The following EP300 variants were observed in gnomAD, a reference collection of about 807,000 sequenced individuals.
EP300 encodes the protein EP300 lysine acetyltransferase.
EP300 carries 31 observed loss-of-function variants against 264.0 expected under a neutral mutation model. That is an observed-to-expected ratio of 0.12 (90% CI 0.09 to 0.16). EP300 has a LOEUF of 0.16. EP300 is among the 10% of genes least tolerant of loss of function. The pLI is 1.00. For missense variants in EP300, 2,766 were observed against 3,052.9 expected (o/e 0.91, Z 2.21); for synonymous variants, 1,340 against 1,045.4 (o/e 1.28, Z -5.44).
Position 41,112,539 on chromosome 22 carries a change from C to T in EP300, c.95-4648C>T, listed in dbSNP as rs187459955. 2.8e-3 allele frequency among the ~76,000 whole-genome samples: 432 copies of T among 152,170 alleles called. 1 individual carries two copies. Among genetic ancestry groups the T allele is most frequent in the Non-Finnish European group, 4.8e-3 (328 of 68,006 alleles). The stretch of plus-strand genomic sequence containing the variant: ...TTTTCTTTATCCTTTGTTACTATGG[C>T]GAATGACAGTTTATAGATGTTCTGG... On this transcript the variant is annotated intron_variant, in intron 1 of 30. Transcript: ENST00000263253.
chr22:41,138,479 T>C (rs2058964531), intron 8 of EP300, among the ~76,000 whole-genome samples: 1 of 152,194 alleles, frequency 6.6e-6, no homozygotes, highest in Non-Finnish European at 1.5e-5. Context: ...GAGCTTTTAT[T>C]ATGTAAAAAT....
At chr22:41,176,219 CAA>C in intron 29 of EP300, 26 bp from the exon 30 acceptor site, 2 of 1,611,980 alleles carry the variant, frequency 1.2e-6, no homozygotes, top group Non-Finnish European at 1.7e-6. Flanking sequence ...GGCCCTGTCT[CAA>C]AAAAAAGAGA....
chr22:41,129,771 G>T, intron 4 of EP300, 119 bp from the exon 5 acceptor site: 1 of 767,248 alleles, frequency 1.3e-6, no homozygotes. Context: ...TTATAGGGCT[G>T]TTAGGAAGAT....
chr22:41,176,694 T>C, intron 30 of EP300, 79 bp from the exon 31 acceptor site: 2 of 1,612,960 alleles, frequency 1.2e-6, no homozygotes, highest in Middle Eastern at 1.7e-4. Flanking sequence ...GGGGCTTTTC[T>C]AGCCCAAACA....
chr22:41,128,363 G>A lies in EP300; in HGVS notation c.1168+615G>A, dbSNP rs556815902. Among the ~76,000 whole-genome samples, 5 of 151,948 alleles carry A rather than the reference G, an allele frequency of 3.3e-5. No homozygotes were observed. The South Asian group carries it at 1.0e-3, about 32-fold the overall frequency. ...TAGTCCCAGCTACTTGGGAGATTGA[G>A]GTGGGAGGATGGCTTGAGCCCAAGA... On this transcript the variant is annotated intron_variant, in intron 4 of 30. Coordinates refer to ENST00000263253, the MANE Select transcript of EP300 (RefSeq NM_001429.4).
chr22:41,149,169 G>T lies in EP300; in HGVS notation c.2373G>T (p.Val791=). The T allele has an allele frequency of 1.2e-6, 2 of 1,614,028 alleles. No homozygotes were observed. Among genetic ancestry groups the T allele is most frequent in the Non-Finnish European group, 1.7e-6 (2 of 1,180,016 alleles). Reference sequence around the variant, plus strand: ...CTCCGTCCAGCGGTCAAGCTCCAGTGTCTCAAGTATGTCTCATAAGTGGAT... The same window carrying T: ...CTCCGTCCAGCGGTCAAGCTCCAGTTTCTCAAGTATGTCTCATAAGTGGAT... The part of the protein sequence containing the change: ...PLAPSSGQAP[V]SQAQMSSSSC... The change falls in exon 13 of 31, where the codon GTG becomes GTT. Residue 791 remains valine (V), a synonymous_variant. Transcript: ENST00000263253.
chr22:41,177,436 A>G lies in EP300; in HGVS notation c.5725A>G (p.Thr1909Ala), dbSNP rs201791719. ...GGCAGCAGGCCAGGTGACCCCTCCA[A>G]CCCCTCCTCAGACTGCTCAGCCACC... ...GKAAGQVTPP[T>A]PPQTAQPPLP... The change falls in exon 31 of 31, where the codon ACC becomes GCC. Residue 1909 changes from threonine (T) to alanine (A), a missense_variant. Coordinates refer to ENST00000263253, the MANE Select transcript of EP300 (RefSeq NM_001429.4). 2.5e-5 allele frequency: 40 copies of G among 1,613,264 alleles called. No individual in the cohort carries two copies. The highest frequency in any genetic ancestry group is 3.3e-5 in the Non-Finnish European group (39 of 1,179,864).
chr22:41,146,794 G>GCCTCGAATAACTCCA lies in EP300; in HGVS notation c.2111_2125dup (p.Pro704_Pro708dup). On this transcript the variant is annotated inframe_insertion, in exon 11 of 31. Coordinates refer to ENST00000263253, the MANE Select transcript of EP300 (RefSeq NM_001429.4). ...GTGGCAGTGTGCCAAACCAGATGAT[G>GCCTCGAATAACTCCA]CCTCGAATAACTCCACAATCTGGTA... 3.7e-6 allele frequency: 6 copies of GCCTCGAATAACTCCA among 1,614,066 alleles called. No homozygotes were observed. The highest frequency in any genetic ancestry group is 5.1e-6 in the Non-Finnish European group (6 of 1,180,002).
intron 1 of EP300, among the ~76,000 whole-genome samples, chr22:41,101,136 G>T (rs1161800332): frequency 6.6e-6 from 1 of 152,130 alleles, no homozygotes; most frequent in Admixed American, 6.6e-5. Flanking sequence ...GTGCAGTGGT[G>T]CAATCCTGGC....
intron 28 of EP300, 56 bp downstream of exon 28, chr22:41,172,719 G>C (rs2059177857): frequency 1.3e-6 from 2 of 1,559,058 alleles, no homozygotes; most frequent in Non-Finnish European, 1.7e-6. Context: ...ATTTAATCCA[G>C]AAGTGCACTT....
chr22:41,122,620 C>CT (rs956468744), intron 2 of EP300, among the ~76,000 whole-genome samples: 90 of 146,900 alleles, frequency 6.1e-4, no homozygotes, highest in South Asian at 1.7e-3. Flanking sequence ...TGTTCTTTAA[C>CT]TTTTTTTTTT....
chr22:41,144,314 T>G (rs1405360797), intron 10 of EP300, among the ~76,000 whole-genome samples: 1 of 152,168 alleles, frequency 6.6e-6, no homozygotes, highest in Non-Finnish European at 1.5e-5. Flanking sequence ...ATGTGAAAGA[T>G]GGACATTTTT....
Position 41,179,549 on chromosome 22 carries a change from C to A in EP300, c.*593C>A, listed in dbSNP as rs1266478991. The A allele has an allele frequency of 8.5e-5, 14 of 165,394 alleles. No homozygotes were observed. Among genetic ancestry groups the A allele is most frequent in the Middle Eastern group, 2.2e-3 (1 of 460 alleles). The allele number at this position is 165,394 out of a possible 1,614,324, so 10.2% of individuals were successfully genotyped here. A position where few individuals can be genotyped will look rare whatever the true frequency, so the allele number is the denominator to read the frequency against. The stretch of plus-strand genomic sequence containing the variant: ...AAAAATGTTTAAAAAAAAAAAAAAA[C>A]TGCCTTTCTTCCCCTCAAGTCAACT... On this transcript the variant is annotated 3_prime_UTR_variant, in exon 31 of 31. Coordinates refer to ENST00000263253, the MANE Select transcript of EP300 (RefSeq NM_001429.4).
At chr22:41,131,670 G>T in intron 6 of EP300, 37 bp downstream of exon 6, 1 of 1,613,772 alleles carries the variant, frequency 6.2e-7, no homozygotes, top group Non-Finnish European at 8.5e-7. Context: ...GGTATTGGTT[G>T]TGTCAGTAAA....
intron 29 of EP300, chr22:41,176,011 G>A (rs6002274): frequency 1.9e-4 from 102 of 549,078 alleles, no homozygotes; most frequent in African/African-American, 1.3e-3. Flanking sequence ...CTTGAGCTTA[G>A]GAGTTTGAGA....
At position 41,171,160 on chromosome 22, in the gene EP300, G is replaced by A. The variant is rs55932135; in HGVS notation, c.4452+589G>A. The stretch of plus-strand genomic sequence containing the variant: ...AATTTTATTTTATTTATTTTTGGGG[G>A]GAGGGTGGGGATAGAGTTGGGGTAT... On this transcript the variant is annotated intron_variant, in intron 27 of 30. Transcript: ENST00000263253. Among the ~76,000 whole-genome samples the A allele has an allele frequency of 5.5e-3, 831 of 151,560 alleles. 7 individuals carry two copies. Among genetic ancestry groups the A allele is most frequent in the Middle Eastern group, 0.027 (8 of 294 alleles).
At chr22:41,128,635 G>A (rs1344938773) in intron 4 of EP300, among the ~76,000 whole-genome samples, 2 of 151,942 alleles carry the variant, frequency 1.3e-5, no homozygotes, top group Non-Finnish European at 2.9e-5. Flanking sequence ...AGCCTCCCAA[G>A]TAACTGGGAC....
intron 10 of EP300, 37 bp downstream of exon 10, chr22:41,141,259 T>G (rs767321937): frequency 5.5e-5 from 87 of 1,592,366 alleles, no homozygotes; most frequent in Non-Finnish European, 7.2e-5. Flanking sequence ...TTGAGAGAAA[T>G]TGATAATAAA....
chr22:41,116,775 A>G (rs892516322), intron 1 of EP300, among the ~76,000 whole-genome samples: 2 of 152,196 alleles, frequency 1.3e-5, no homozygotes, highest in Admixed American at 6.5e-5. Context: ...TAGTATATAT[A>G]TAGGGCTGTG....
Sources: allele counts gnomAD v4.1 joint callset (sites outside exome capture counted in the v4.1 genomes callset), GRCh38; gene constraint gnomAD v4.1.1; transcripts MANE v1.5; gene names NCBI Gene and HGNC (gene_info 2026-07-23, HGNC 2026-07-21).